The following TBCE variants were observed in gnomAD, a reference collection of about 807,000 sequenced individuals.
The protein encoded by TBCE is tubulin-specific chaperone E.
TBCE carries 53 observed loss-of-function variants against 77.0 expected under a neutral mutation model. The observed-to-expected ratio is 0.69, with a 90% CI of 0.55 to 0.87. The LOEUF is 0.87. TBCE is among the 40% of genes least tolerant of loss of function. The pLI is 0.00. For missense variants in TBCE, 624 were observed against 622.4 expected (o/e 1.00, Z -0.03); for synonymous variants, 235 against 241.3 (o/e 0.97, Z 0.24).
chr1:235,434,155 G>C (rs1465102169), intron 7 of TBCE, 49 bp from the exon 8 acceptor site: 1 of 1,566,970 alleles, frequency 6.4e-7, no homozygotes, highest in Admixed American at 1.7e-5. Flanking sequence ...CACCCGGGAA[G>C]AAACAGCCAG....
intron 2 of TBCE, among the ~76,000 whole-genome samples, chr1:235,381,685 CAAAA>C (rs574997840): frequency 3.1e-3 from 135 of 43,194 alleles, no homozygotes; most frequent in Admixed American, 3.8e-3. Flanking sequence ...ACTCCTTCTC[CAAAA>C]AAAAAAAAAA....
At position 235,427,254 on chromosome 1, in the gene TBCE, TTGCTGAA is replaced by T; in HGVS notation, c.560+17_560+23del. 3 of 1,551,642 alleles carry T rather than the reference TTGCTGAA, an allele frequency of 1.9e-6. No homozygotes were observed. The South Asian group carries it at 3.3e-5, about 17-fold the overall frequency. ...CTTAATGTCAGGTATGAACTCTTGG[TTGCTGAA>T]TCTTCATTAACAATAAAGCTCATCT... On this transcript the variant is annotated intron_variant, in intron 6 of 16. Transcript: ENST00000642610.
intron 13 of TBCE, 174 bp downstream of exon 13, chr1:235,439,096 C>T (rs1019378760): frequency 2.6e-6 from 2 of 771,186 alleles, no homozygotes; most frequent in Non-Finnish European, 4.3e-6. Flanking sequence ...GGCGGCAGGG[C>T]AAGAGCAGTA....
At chr1:235,429,105 C>G (rs1164945213) in intron 6 of TBCE, 1 of 151,324 alleles carries the variant, frequency 6.6e-6, no homozygotes, top group Non-Finnish European at 1.5e-5. Flanking sequence ...TCTCCTGCCT[C>G]AGTCTCCTGA....
At chr1:235,401,038 T>G (rs1167445688) in intron 2 of TBCE, among the ~76,000 whole-genome samples, 1 of 151,384 alleles carries the variant, frequency 6.6e-6, no homozygotes, top group Non-Finnish European at 1.5e-5. Flanking sequence ...TGTAGCCACA[T>G]ACATAACATA....
intron 14 of TBCE, among the ~76,000 whole-genome samples, chr1:235,442,319 C>T (rs1023926622): frequency 2.0e-5 from 3 of 152,254 alleles, no homozygotes; most frequent in Admixed American, 6.5e-5. Context: ...TACAGGCATG[C>T]GCCACCACAC....
chr1:235,375,291 A>G (rs908668207), intron 1 of TBCE, among the ~76,000 whole-genome samples: 10 of 152,148 alleles, frequency 6.6e-5, no homozygotes, highest in Non-Finnish European at 1.5e-4. Flanking sequence ...GGCTATCTTC[A>G]TTAGTTAGCA....
In TBCE at chr1:235,422,785, C is replaced by T. The variant is rs566552930; in HGVS notation, c.460+3224C>T. Among the ~76,000 whole-genome samples the T allele has an allele frequency of 3.3e-5, 5 of 152,238 alleles. No individual in the cohort carries two copies. In the East Asian group the frequency reaches 5.8e-4, roughly 18 times the overall value. Reference sequence around the variant, plus strand: ...CAGAGGTTGCAGTGAGCCGAGATCGCGCCATTGCACTCCAGCCTGGGCGAC... The same window carrying T: ...CAGAGGTTGCAGTGAGCCGAGATCGTGCCATTGCACTCCAGCCTGGGCGAC... On this transcript the variant is annotated intron_variant, in intron 5 of 16. Transcript: ENST00000642610.
At chr1:235,389,075 A>T (rs1678209925) in intron 2 of TBCE, among the ~76,000 whole-genome samples, 1 of 152,252 alleles carries the variant, frequency 6.6e-6, no homozygotes, top group South Asian at 2.1e-4. Flanking sequence ...ACCAAAAGCC[A>T]GTCCTCCCAG....
chr1:235,380,053 A>T lies in TBCE; in HGVS notation c.4A>T (p.Ser2Cys). Residue 2 changes from serine to cysteine, a missense_variant, in exon 2 of 17, where the codon AGT (serine) becomes TGT (cysteine). Ser to Cys is a moderately radical substitution (Grantham distance 112). Transcript: ENST00000642610. Reference sequence around the variant, plus strand: ...TTTGGATTCTGGATATATTATAATGAGTGACACTTTGACAGCGGATGTCAT... The same window carrying T: ...TTTGGATTCTGGATATATTATAATGTGTGACACTTTGACAGCGGATGTCAT... M[S>C]DTLTADVIGR... 1 of 1,612,734 alleles carries T rather than the reference A, an allele frequency of 6.2e-7. No individual in the cohort carries two copies.
chr1:235,437,264 T>C, intron 11 of TBCE, 58 bp from the exon 12 acceptor site: 1 of 1,611,862 alleles, frequency 6.2e-7, no homozygotes, highest in South Asian at 1.1e-5. Flanking sequence ...GGTTCAAACT[T>C]CTGCAAAAGT....
At chr1:235,413,363 T>TAAAAA (rs869060658) in intron 3 of TBCE, among the ~76,000 whole-genome samples, 1 of 138,430 alleles carries the variant, frequency 7.2e-6, no homozygotes, top group African/African-American at 2.7e-5. Flanking sequence ...CCCCTTTCTT[T>TAAAAA]AAAAAAAAAA....
rs995077249 is a variant in TBCE at position 235,449,312 on chromosome 1, A to G, written c.*550A>G. The stretch of plus-strand genomic sequence containing the variant: ...CCCTACAATTATACCTAAGCTGAGT[A>G]TATCTTCTTCTGTGATAACCAGCTT... On this transcript the variant is annotated 3_prime_UTR_variant, in exon 17 of 17. Transcript: ENST00000642610. 3 of 158,266 alleles carry G rather than the reference A, an allele frequency of 1.9e-5. No homozygotes were observed. Among genetic ancestry groups the G allele is most frequent in the Admixed American group, 6.0e-5 (1 of 16,540 alleles). The allele number at this position is 158,266 out of a possible 1,614,324, so 9.8% of individuals were successfully genotyped here. A position where few individuals can be genotyped will look rare whatever the true frequency, so the allele number is the denominator to read the frequency against.
Position 235,367,499 on chromosome 1 carries a change from G to C in TBCE, c.-37G>C, listed in dbSNP as rs1676618907. The C allele has an allele frequency of 6.5e-6, 1 of 152,944 alleles. No individual in the cohort carries two copies. The allele number at this position is 152,944 out of a possible 1,614,324, so 9.5% of individuals were successfully genotyped here. A position where few individuals can be genotyped will look rare whatever the true frequency, so the allele number is the denominator to read the frequency against. ...TGCTGGGAACACCTGGAGTCTCCGC[G>C]GGCAGGTGAGCTTCAGAGGTTCGGG... is the stretch of plus-strand genomic sequence containing the variant. On this transcript the variant is annotated 5_prime_UTR_variant, in exon 1 of 17. Transcript: ENST00000642610.
At chr1:235,448,618 T>G in intron 16 of TBCE, 52 bp from the exon 17 acceptor site, 1 of 1,512,616 alleles carries the variant, frequency 6.6e-7, no homozygotes, top group Non-Finnish European at 9.2e-7. Context: ...TGTAGCATGC[T>G]TTATCGGATC....
chr1:235,409,054 G>T (rs1679627445), intron 3 of TBCE, among the ~76,000 whole-genome samples: 1 of 149,468 alleles, frequency 6.7e-6, no homozygotes. Flanking sequence ...ATGCATGGGG[G>T]CATACTTACT....
intron 2 of TBCE, among the ~76,000 whole-genome samples, chr1:235,392,400 ATTTTTTTTT>A (rs557817776): frequency 1.8e-3 from 97 of 53,996 alleles, no homozygotes; most frequent in Non-Finnish European, 2.3e-3. Flanking sequence ...GCTGAACAGA[ATTTTTTTTT>A]TTTTTTTTTT....
intron 5 of TBCE, among the ~76,000 whole-genome samples, chr1:235,425,234 A>C (rs1219027854): frequency 2.0e-5 from 3 of 152,100 alleles, no homozygotes; most frequent in Non-Finnish European, 4.4e-5. Flanking sequence ...CCCTCTTAAT[A>C]AATGACAGTT....
At chr1:235,442,817 A>T (rs374630204) in intron 14 of TBCE, 35 bp from the exon 15 acceptor site, 3 of 1,594,524 alleles carry the variant, frequency 1.9e-6, no homozygotes, top group Non-Finnish European at 1.7e-6. Context: ...ATAATAGTAG[A>T]TATCAATTAG....
Sources: allele counts gnomAD v4.1 joint callset (sites outside exome capture counted in the v4.1 genomes callset), GRCh38; gene constraint gnomAD v4.1.1; transcripts MANE v1.5; gene names NCBI Gene and HGNC (gene_info 2026-07-23, HGNC 2026-07-21).